The following THADA variants were observed in gnomAD, a reference collection of about 807,000 sequenced individuals.
THADA encodes tRNA (32-2'-O)-methyltransferase regulator THADA.
A neutral mutation model predicts 219.8 loss-of-function variants in THADA; 213 were observed. The observed-to-expected ratio is 0.97, with a 90% CI of 0.87 to 1.09. The LOEUF is 1.09. THADA is among the 50% of genes least tolerant of loss of function. The pLI is 0.00. For synonymous variants in THADA, 1,018 were observed against 828.9 expected, an observed-to-expected ratio of 1.23 and a Z score of -3.92; for missense variants, 2,956 against 2,311.3, an observed-to-expected ratio of 1.28 and a Z score of -5.72.
chr2:43,251,532 T>C (rs1415480122), intron 36 of THADA, among the ~76,000 whole-genome samples: 3 of 152,226 alleles, frequency 2.0e-5, no homozygotes, highest in African/African-American at 4.8e-5. Flanking sequence ...GTCTGCTTCC[T>C]GTCTCTGTCA....
intron 14 of THADA, among the ~76,000 whole-genome samples, chr2:43,567,535 G>C (rs1197839052): frequency 6.6e-6 from 1 of 152,136 alleles, no homozygotes; most frequent in Non-Finnish European, 1.5e-5. Context: ...GCTGAGGCAG[G>C]AGAATTGCTT....
chr2:43,339,880 G>A (rs1558606377), intron 30 of THADA, among the ~76,000 whole-genome samples: 1 of 151,988 alleles, frequency 6.6e-6, no homozygotes, highest in Non-Finnish European at 1.5e-5. Context: ...GACTGCTTGA[G>A]CCCAGGAGTT....
chr2:43,378,744 TAC>T (rs1671662655), intron 29 of THADA, among the ~76,000 whole-genome samples: 1 of 152,204 alleles, frequency 6.6e-6, no homozygotes, highest in African/African-American at 2.4e-5. Flanking sequence ...TAGCTGGGAT[TAC>T]AGGCACCCAA....
intron 17 of THADA, among the ~76,000 whole-genome samples, chr2:43,555,489 A>G (rs540137622): frequency 1.1e-4 from 16 of 152,110 alleles, no homozygotes; most frequent in Non-Finnish European, 2.1e-4. Flanking sequence ...TCTTGAATTG[A>G]AAGCCTTTAT....
At chr2:43,512,549 T>C (rs1690625980) in intron 22 of THADA, among the ~76,000 whole-genome samples, 3 of 152,358 alleles carry the variant, frequency 2.0e-5, no homozygotes, top group Admixed American at 6.5e-5. Context: ...CTTGCCCAGG[T>C]TGGAGTGCAA....
chr2:43,568,164 G>C (rs1464439028), intron 14 of THADA, among the ~76,000 whole-genome samples: 1 of 152,208 alleles, frequency 6.6e-6, no homozygotes, highest in Non-Finnish European at 1.5e-5. Context: ...CACTTGTTAA[G>C]TGGGGATAAG....
chr2:43,498,239 G>A (rs1688510469), intron 25 of THADA, among the ~76,000 whole-genome samples: 1 of 152,110 alleles, frequency 6.6e-6, no homozygotes, highest in Non-Finnish European at 1.5e-5. Flanking sequence ...GATGAGAGAT[G>A]GGAGTTAGTG....
intron 23 of THADA, among the ~76,000 whole-genome samples, chr2:43,505,947 A>G (rs1054826916): frequency 1.3e-5 from 2 of 152,182 alleles, no homozygotes; most frequent in African/African-American, 4.8e-5. Flanking sequence ...TGAAGGTGAA[A>G]TCATGTCATC....
rs17031021 is a variant in THADA, at chr2:43,539,186, G to A, written c.3264+1973C>T. ...CTTCACTGCCTCCGTGTATTCAGAC[G>A]GCAGTCACATTCACCTAAGGCTTGA... On this transcript the variant is annotated intron_variant, in intron 21 of 37. Coordinates refer to ENST00000405975, the MANE Select transcript of THADA (RefSeq NM_022065.5). 4.2e-3 allele frequency among the ~76,000 whole-genome samples: 646 copies of A among 152,244 alleles called. 6 individuals are homozygous for A. The highest frequency in any genetic ancestry group is 0.014 in the African/African-American group (592 of 41,542).
chr2:43,364,810 G>A (rs1669940040), intron 29 of THADA, among the ~76,000 whole-genome samples: 1 of 152,304 alleles, frequency 6.6e-6, no homozygotes, highest in Middle Eastern at 3.4e-3. Context: ...ATGAATGAAA[G>A]GAGGAAAGCA....
Position 43,498,968 on chromosome 2 carries a change from G to C in THADA, c.3622-13C>G. ...TTAAAGCATGAACCTAAAACAAGAA[G>C]TTCAAAATTAGTTGTGGGTTGAAAA... On this transcript the variant is annotated splice_polypyrimidine_tract_variant and intron_variant, in intron 24 of 37. Coordinates refer to ENST00000405975, the MANE Select transcript of THADA (RefSeq NM_022065.5). The C allele has an allele frequency of 6.4e-7, 1 of 1,553,950 alleles. No homozygotes were observed. The highest frequency in any genetic ancestry group is 2.4e-5 in the East Asian group (1 of 41,616).
At chr2:43,564,983 T>C (rs777615657) in intron 15 of THADA, 5 of 152,198 alleles carry the variant, frequency 3.3e-5, no homozygotes, top group Non-Finnish European at 7.3e-5. Flanking sequence ...TGTTCTATAA[T>C]ATAAAAGGCC....
Position 43,442,813 on chromosome 2 carries a change from A to G in THADA, c.3837-12511T>C, listed in dbSNP as rs187671327. ...CTGTAGGTTAAGGACCATGTCTTCT[A>G]GTTCCATCAACATTCTATGCTCTCT... On this transcript the variant is annotated intron_variant, in intron 26 of 37. Transcript: ENST00000405975. 3.3e-3 allele frequency among the ~76,000 whole-genome samples: 507 copies of G among 152,320 alleles called. 4 individuals carry two copies. The highest frequency in any genetic ancestry group is 0.011 in the African/African-American group (451 of 41,564).
At position 43,301,968 on chromosome 2, in the gene THADA, C is replaced by G. The variant is rs145398650; in HGVS notation, c.4439-8755G>C. ...CCCTTCGTTTGCAGGACACAAATAACTGAAGTTTGATCCAGTCTGAAGTTT... is the reference window on the plus strand; with the variant it reads ...CCCTTCGTTTGCAGGACACAAATAAGTGAAGTTTGATCCAGTCTGAAGTTT... On this transcript the variant is annotated intron_variant, in intron 31 of 37. Transcript: ENST00000405975. 3.3e-5 allele frequency among the ~76,000 whole-genome samples: 5 copies of G among 152,280 alleles called. No individual in the cohort carries two copies. In the East Asian group the frequency reaches 7.7e-4, roughly 23 times the overall value.
chr2:43,468,451 T>C (rs917461570), intron 26 of THADA, among the ~76,000 whole-genome samples: 1 of 152,216 alleles, frequency 6.6e-6, no homozygotes, highest in Non-Finnish European at 1.5e-5. Flanking sequence ...AGCAACAAAA[T>C]TAAATATTTT....
chr2:43,460,537 C>T (rs994946204), intron 26 of THADA, among the ~76,000 whole-genome samples: 3 of 152,174 alleles, frequency 2.0e-5, no homozygotes, highest in Non-Finnish European at 4.4e-5. Flanking sequence ...ACTGCAAAGA[C>T]ATCAAGCCCT....
intron 21 of THADA, among the ~76,000 whole-genome samples, chr2:43,532,184 G>A (rs74569398): frequency 1.3e-5 from 2 of 151,900 alleles, no homozygotes; most frequent in Admixed American, 6.6e-5. Flanking sequence ...GGCTGAGGCT[G>A]GTGGATTGCC....
chr2:43,260,851 C>CAA (rs1670850791), intron 36 of THADA, among the ~76,000 whole-genome samples: 1 of 152,104 alleles, frequency 6.6e-6, no homozygotes, highest in South Asian at 2.1e-4. Flanking sequence ...TATTTTCTGT[C>CAA]AGAGTACAAG....
chr2:43,324,725 T>C (rs1679122169), intron 30 of THADA, among the ~76,000 whole-genome samples: 1 of 152,226 alleles, frequency 6.6e-6, no homozygotes, highest in Non-Finnish European at 1.5e-5. Context: ...GTTCTCAGTC[T>C]GTCAAGCCAC....
Sources: allele counts gnomAD v4.1 joint callset (sites outside exome capture counted in the v4.1 genomes callset), GRCh38; gene constraint gnomAD v4.1.1; transcripts MANE v1.5; gene names NCBI Gene and HGNC (gene_info 2026-07-23, HGNC 2026-07-21).